The following SPIDR variants were observed in gnomAD, a reference collection of about 807,000 sequenced individuals.
SPIDR encodes DNA repair-scaffolding protein.
SPIDR carries 93 observed loss-of-function variants against 104.6 expected under a neutral mutation model. That is an observed-to-expected ratio of 0.89 (90% CI 0.75 to 1.06). SPIDR has a LOEUF of 1.06. Ranked by LOEUF, SPIDR falls within the 50% of genes least tolerant of loss-of-function variation. The pLI, the probability that SPIDR is intolerant of heterozygous loss-of-function variation, is 0.00. For synonymous variants in SPIDR, 431 were observed against 416.9 expected, an observed-to-expected ratio of 1.03 and a Z score of -0.41; for missense variants, 1,154 against 1,111.2, an observed-to-expected ratio of 1.04 and a Z score of -0.55.
chr8:47,727,555 G>T (rs1480466659), intron 17 of SPIDR, among the ~76,000 whole-genome samples: 4 of 152,122 alleles, frequency 2.6e-5, no homozygotes, highest in Non-Finnish European at 4.4e-5. Context: ...TATCAGCCAG[G>T]AGAATTAAAA....
chr8:47,448,051 T>C (rs1233877555), intron 8 of SPIDR, among the ~76,000 whole-genome samples: 3 of 152,224 alleles, frequency 2.0e-5, no homozygotes, highest in Non-Finnish European at 2.9e-5. Context: ...GCAGCTATAC[T>C]TCCAGTATCT....
Position 47,440,523 on chromosome 8 carries a change from G to T in SPIDR, c.1078G>T (p.Val360Phe). The T allele has an allele frequency of 1.2e-6, 2 of 1,614,030 alleles. No homozygotes were observed. The highest frequency in any genetic ancestry group is 1.7e-6 in the Non-Finnish European group (2 of 1,179,920). The change falls in exon 8 of 20, where the codon GTC becomes TTC. Residue 360 changes from valine (V) to phenylalanine (F), a missense_variant. Val to Phe is a conservative substitution (Grantham distance 50). Coordinates refer to ENST00000297423, the MANE Select transcript of SPIDR (RefSeq NM_001080394.4). The stretch of plus-strand genomic sequence containing the variant: ...CCTCAGGGGCCGTCCCCAGGACACT[G>T]TCCGGATCTTCCCTCCCTGGTGAGT... The part of the protein sequence containing the change: ...GYLRGRPQDT[V>F]RIFPPWQKLI...
intron 8 of SPIDR, among the ~76,000 whole-genome samples, chr8:47,532,838 C>T (rs1019149755): frequency 3.9e-5 from 6 of 152,208 alleles, no homozygotes; most frequent in African/African-American, 1.4e-4. Flanking sequence ...ACATTCTTCT[C>T]AAGCTCATGC....
chr8:47,306,587 A>T (rs1254386417), intron 5 of SPIDR, among the ~76,000 whole-genome samples: 1 of 152,198 alleles, frequency 6.6e-6, no homozygotes, highest in Non-Finnish European at 1.5e-5. Context: ...TGTTGGGTAC[A>T]GTGTTGTGTA....
chr8:47,405,326 A>G lies in SPIDR; in HGVS notation c.777-2535A>G, dbSNP rs188903143. On this transcript the variant is annotated intron_variant, in intron 6 of 19. Coordinates refer to ENST00000297423, the MANE Select transcript of SPIDR (RefSeq NM_001080394.4). Reference sequence around the variant, plus strand: ...TGTGTGTGTGTGTGTGTGTGTGTATATATGTGTGTGTGTATATATATATGT... The same window carrying G: ...TGTGTGTGTGTGTGTGTGTGTGTATGTATGTGTGTGTGTATATATATATGT... Among the ~76,000 whole-genome samples the G allele has an allele frequency of 4.3e-3, 642 of 148,230 alleles. 2 individuals carry two copies. The highest frequency in any genetic ancestry group is 6.3e-3 in the Non-Finnish European group (425 of 67,434).
intron 8 of SPIDR, among the ~76,000 whole-genome samples, chr8:47,453,155 G>T (rs1554707346): frequency 6.6e-6 from 1 of 152,126 alleles, no homozygotes; most frequent in Non-Finnish European, 1.5e-5. Flanking sequence ...CAACTTAGAA[G>T]GGATGTGAAG....
chr8:47,474,139 A>G (rs1233975929), intron 8 of SPIDR, among the ~76,000 whole-genome samples: 1 of 152,190 alleles, frequency 6.6e-6, no homozygotes, highest in African/African-American at 2.4e-5. Flanking sequence ...ATTGAGTGAA[A>G]AAAACTGACC....
At chr8:47,581,565 C>G (rs1564390638) in intron 8 of SPIDR, among the ~76,000 whole-genome samples, 1 of 152,152 alleles carries the variant, frequency 6.6e-6, no homozygotes, top group Non-Finnish European at 1.5e-5. Flanking sequence ...CCCTGCTGGA[C>G]AGACAGAAGA....
At chr8:47,529,366 C>T (rs533852102) in intron 8 of SPIDR, among the ~76,000 whole-genome samples, 95 of 151,812 alleles carry the variant, frequency 6.3e-4, no homozygotes, top group Middle Eastern at 3.4e-3. Context: ...TGCAGTGAGC[C>T]GAGATCACAT....
intron 10 of SPIDR, among the ~76,000 whole-genome samples, chr8:47,670,464 A>T (rs960102290): frequency 7.2e-5 from 11 of 152,186 alleles, no homozygotes; most frequent in Admixed American, 1.3e-4. Flanking sequence ...AGAAATCTAT[A>T]CCCAGCCAAA....
At chr8:47,714,991 GT>G in intron 16 of SPIDR, among the ~76,000 whole-genome samples, 1 of 152,210 alleles carries the variant, frequency 6.6e-6, no homozygotes, top group South Asian at 2.1e-4. Context: ...CCTTTAAAGT[GT>G]TTTTAGTATT....
chr8:47,274,121 A>G (rs1361345121), intron 1 of SPIDR, among the ~76,000 whole-genome samples: 3 of 152,298 alleles, frequency 2.0e-5, no homozygotes, highest in East Asian at 3.9e-4. Flanking sequence ...TCACTTAGGA[A>G]ATTGCAAGAG....
At chr8:47,380,284 C>T (rs566105999) in intron 5 of SPIDR, among the ~76,000 whole-genome samples, 1 of 152,334 alleles carries the variant, frequency 6.6e-6, no homozygotes, top group East Asian at 1.9e-4. Context: ...GGTTTTAAAA[C>T]ACACAGAATG....
At chr8:47,609,741 AC>A (rs1445312553) in intron 10 of SPIDR, among the ~76,000 whole-genome samples, 1 of 152,198 alleles carries the variant, frequency 6.6e-6, no homozygotes, top group Non-Finnish European at 1.5e-5. Flanking sequence ...CGCTCTTTAA[AC>A]ACTTGATAAT....
chr8:47,727,035 T>C (rs2084348096), intron 16 of SPIDR, among the ~76,000 whole-genome samples, 165 bp from the exon 17 acceptor site: 1 of 152,238 alleles, frequency 6.6e-6, no homozygotes, highest in African/African-American at 2.4e-5. Flanking sequence ...AATTTTTCTT[T>C]GTACAATAAG....
At chr8:47,491,685 G>C (rs1554739759) in intron 8 of SPIDR, among the ~76,000 whole-genome samples, 1 of 151,912 alleles carries the variant, frequency 6.6e-6, no homozygotes, top group African/African-American at 2.4e-5. Context: ...GTTCCAGAAG[G>C]GTGTGGCCCC....
chr8:47,437,714 G>T (rs1362086352), intron 7 of SPIDR, among the ~76,000 whole-genome samples: 3 of 151,950 alleles, frequency 2.0e-5, no homozygotes, highest in African/African-American at 7.3e-5. Context: ...AGTTAGAATG[G>T]CAGTCATTAA....
intron 8 of SPIDR, among the ~76,000 whole-genome samples, chr8:47,526,707 TGAA>T (rs946085847): frequency 6.6e-6 from 1 of 152,146 alleles, no homozygotes; most frequent in Non-Finnish European, 1.5e-5. Context: ...TAGGTCAAAA[TGAA>T]GCAGTCCAAA....
intron 7 of SPIDR, among the ~76,000 whole-genome samples, chr8:47,419,770 C>T (rs13248100): frequency 0.49 from 74,203 of 151,878 alleles, 22,171 homozygotes; most frequent in Non-Finnish European, 0.66. Flanking sequence ...CTATAAATTT[C>T]CCTCTACACA....
Sources: allele counts gnomAD v4.1 joint callset (sites outside exome capture counted in the v4.1 genomes callset), GRCh38; gene constraint gnomAD v4.1.1; transcripts MANE v1.5; gene names NCBI Gene and HGNC (gene_info 2026-07-23, HGNC 2026-07-21).